Variants in PTK7 observed in about 807,000 individuals in gnomAD.
The protein encoded by PTK7 is protein tyrosine kinase 7 (inactive).
A neutral mutation model predicts 116.6 loss-of-function variants in PTK7; 39 were observed. That is an observed-to-expected ratio of 0.33 (90% CI 0.26 to 0.44). The LOEUF (loss-of-function observed/expected upper bound fraction) is 0.44. Ranked by LOEUF, PTK7 falls within the 20% of genes least tolerant of loss-of-function variation. PTK7 has a pLI of 1.00. For synonymous variants in PTK7, 546 were observed against 563.6 expected (o/e 0.97, Z 0.44); for missense variants, 1,169 against 1,425.6 (o/e 0.82, Z 2.90).
rs80254269 is a variant in PTK7 at position 43,122,223 on chromosome 6, G to C, written c.80-6754G>C. On this transcript the variant is annotated intron_variant, in intron 1 of 19. Transcript: ENST00000230419. ...CCAGAGTTATCAGTCAGATCTTTAA[G>C]GTATGAGGTCTGCAGTACAGTGCAC... Among the ~76,000 whole-genome samples the C allele has an allele frequency of 3.3e-5, 5 of 152,326 alleles. No homozygotes were observed. The East Asian group carries it at 9.6e-4, about 29-fold the overall frequency.
In PTK7 at chr6:43,079,448, C is replaced by T. The variant is rs1766241999; in HGVS notation, c.79+2881C>T. On this transcript the variant is annotated intron_variant, in intron 1 of 19. Coordinates refer to ENST00000230419, the MANE Select transcript of PTK7 (RefSeq NM_002821.5). ...GCACTCCAGCTTGGGCGAGATCGTGCCGAGATCGTGCCACTGCACTCCAGC... is the reference window on the plus strand; with the variant it reads ...GCACTCCAGCTTGGGCGAGATCGTGTCGAGATCGTGCCACTGCACTCCAGC... Among the ~76,000 whole-genome samples the T allele has an allele frequency of 3.3e-5, 4 of 122,988 alleles. No individual in the cohort carries two copies. In the Admixed American group the frequency reaches 3.4e-4, roughly 11 times the overall value. The allele number at this position is 122,988 out of a possible 152,430, so 80.7% of individuals were successfully genotyped here.
At chr6:43,079,969 G>C (rs940689571) in intron 1 of PTK7, among the ~76,000 whole-genome samples, 1 of 150,302 alleles carries the variant, frequency 6.7e-6, no homozygotes, top group East Asian at 2.0e-4. Flanking sequence ...ACTGAGGTGG[G>C]AGTATTGCCT....
At position 43,158,974 on chromosome 6, in the gene PTK7, A is replaced by AGG. The variant is rs1295348975; in HGVS notation, c.2873+8_2873+9dup. On this transcript the variant is annotated splice_region_variant and intron_variant, in intron 18 of 19. Transcript: ENST00000230419. ...AGCAAGGATGTGTACAACAGGTAGA[A>AGG]GGGCATGCGTGGGGTGGGGGCTCCC... 2 of 1,613,350 alleles carry AGG rather than the reference A, an allele frequency of 1.2e-6. No individual in the cohort carries two copies. Among genetic ancestry groups the AGG allele is most frequent in the African/African-American group, 2.7e-5 (2 of 74,894 alleles).
At chr6:43,152,908 C>G (rs1771213310) in intron 17 of PTK7, among the ~76,000 whole-genome samples, 1 of 151,846 alleles carries the variant, frequency 6.6e-6, no homozygotes, top group African/African-American at 2.4e-5. Context: ...GCCTCGGCCC[C>G]CTGAGTAGCT....
At chr6:43,148,557 G>A (rs923222380) in intron 17 of PTK7, among the ~76,000 whole-genome samples, 1 of 152,184 alleles carries the variant, frequency 6.6e-6, no homozygotes, top group Non-Finnish European at 1.5e-5. Flanking sequence ...GGGATTCTCT[G>A]GCTGGGATGA....
chr6:43,128,801 AAAAG>A (rs1253485017), intron 1 of PTK7, among the ~76,000 whole-genome samples, 172 bp from the exon 2 acceptor site: 3 of 152,214 alleles, frequency 2.0e-5, no homozygotes, highest in Non-Finnish European at 2.9e-5. Context: ...CTCAAAAAGA[AAAAG>A]AAAAGTTTTT....
intron 18 of PTK7, among the ~76,000 whole-genome samples, chr6:43,159,235 G>A (rs1353029566): frequency 1.3e-5 from 2 of 152,126 alleles, no homozygotes; most frequent in Non-Finnish European, 2.9e-5. Context: ...ATTTGATAAG[G>A]ATTTATATAT....
chr6:43,142,501 C>G, intron 13 of PTK7: 3 of 819,150 alleles, frequency 3.7e-6, no homozygotes, highest in Non-Finnish European at 5.9e-6. Flanking sequence ...ATCCAACGGT[C>G]GGTGTGTGTG....
chr6:43,139,654 T>G lies in PTK7; in HGVS notation c.1618+129T>G. On this transcript the variant is annotated intron_variant, in intron 10 of 19. Transcript: ENST00000230419. The surrounding 1 kb of genome is among the most constrained non-coding windows in gnomAD (Gnocchi z 4.6). ...GATTAGACAAGCAGTGCAGGGCTGA[T>G]GTATAGTTTAGTTAGGAAGGAAAAA... 7.1e-7 allele frequency: 1 copy of G among 1,411,180 alleles called. No individual in the cohort carries two copies. Among genetic ancestry groups the G allele is most frequent in the Non-Finnish European group, 9.5e-7 (1 of 1,051,212 alleles). 87.4% of individuals were successfully genotyped at this position (1,411,180 alleles called of 1,614,324 possible). A position where few individuals can be genotyped will look rare whatever the true frequency, so the allele number is the denominator to read the frequency against.
chr6:43,079,839 G>A (rs1284561284), intron 1 of PTK7, among the ~76,000 whole-genome samples: 1 of 148,920 alleles, frequency 6.7e-6, no homozygotes, highest in Non-Finnish European at 1.5e-5. Context: ...GAGGAGGATC[G>A]CTTGAGCCCA....
intron 1 of PTK7, among the ~76,000 whole-genome samples, chr6:43,099,500 C>T (rs1032130572): frequency 6.6e-6 from 1 of 151,876 alleles, no homozygotes; most frequent in Admixed American, 6.6e-5. Context: ...GGGATTACAG[C>T]CATGAGCCAC....
intron 1 of PTK7, among the ~76,000 whole-genome samples, chr6:43,084,744 C>T (rs1766564870): frequency 6.6e-6 from 1 of 152,060 alleles, no homozygotes; most frequent in Non-Finnish European, 1.5e-5. Flanking sequence ...GAAGAACATT[C>T]TAGAATGTGT....
rs781132039 is a variant in PTK7, at chr6:43,076,468, C to G, written c.-21C>G. 3 of 1,553,638 alleles carry G rather than the reference C, an allele frequency of 1.9e-6. No homozygotes were observed. The highest frequency in any genetic ancestry group is 2.6e-6 in the Non-Finnish European group (3 of 1,157,692). On this transcript the variant is annotated 5_prime_UTR_variant, in exon 1 of 20. Transcript: ENST00000230419. This position sits in a 1 kb window ranked among gnomAD's most constrained non-coding sequence, Gnocchi z 5.7. ...GCGCGCCCGCCGTGCGCCCTCAGCT[C>G]CTTTTCCTGAGCCCGCCGCGATGGG...
intron 1 of PTK7, among the ~76,000 whole-genome samples, chr6:43,125,038 A>G (rs1769206230): frequency 6.6e-6 from 1 of 152,130 alleles, no homozygotes; most frequent in Non-Finnish European, 1.5e-5. Context: ...TGGGCGTGGT[A>G]GCTCATGCCA....
At chr6:43,112,216 A>G (rs1768230616) in intron 1 of PTK7, among the ~76,000 whole-genome samples, 1 of 152,118 alleles carries the variant, frequency 6.6e-6, no homozygotes, top group East Asian at 1.9e-4. Flanking sequence ...TCTGCAGGAT[A>G]GAGAGCAGGT....
intron 1 of PTK7, among the ~76,000 whole-genome samples, chr6:43,099,970 C>T (rs1437658712): frequency 6.6e-6 from 1 of 152,112 alleles, no homozygotes; most frequent in African/African-American, 2.4e-5. Context: ...GCCTCAGCCT[C>T]CCAGGTGTCT....
chr6:43,080,954 T>TACACAC (rs59525398), intron 1 of PTK7, among the ~76,000 whole-genome samples: 2,748 of 148,316 alleles, frequency 0.019, 66 homozygotes, highest in African/African-American at 0.054. Flanking sequence ...AAAAAAAAAA[T>TACACAC]ACACACACAC....
chr6:43,141,605 G>C lies in PTK7; in HGVS notation c.1619-63G>C. On this transcript the variant is annotated intron_variant, in intron 10 of 19. Coordinates refer to ENST00000230419, the MANE Select transcript of PTK7 (RefSeq NM_002821.5). This position sits in a 1 kb window ranked among gnomAD's most constrained non-coding sequence, Gnocchi z 4.9. ...TTTTGAGTAGAGGTGAGGGACTGAA[G>C]GCATTGCCAGCTGTCTGTGTAACCC... 6.4e-7 allele frequency: 1 copy of C among 1,551,656 alleles called. No individual in the cohort carries two copies. The highest frequency in any genetic ancestry group is 8.8e-7 in the Non-Finnish European group (1 of 1,135,118).
chr6:43,090,917 G>T (rs1263008348), intron 1 of PTK7, among the ~76,000 whole-genome samples: 1 of 152,072 alleles, frequency 6.6e-6, no homozygotes, highest in Non-Finnish European at 1.5e-5. Flanking sequence ...CTGGAAGTAG[G>T]ACCTGTGAAG....
Sources: allele counts gnomAD v4.1 joint callset (sites outside exome capture counted in the v4.1 genomes callset), GRCh38; gene constraint gnomAD v4.1.1; non-coding constraint Gnocchi (gnomAD v3.1); transcripts MANE v1.5; gene names NCBI Gene and HGNC (gene_info 2026-07-23, HGNC 2026-07-21).